R3HDM2: variants seen among roughly 807,000 people sequenced by gnomAD.
R3HDM2 encodes the protein R3H domain-containing protein 2.
A neutral mutation model predicts 124.5 loss-of-function variants in R3HDM2; 38 were observed. The ratio of observed to expected loss-of-function variants is 0.31; its 90% confidence interval spans 0.24 to 0.40. R3HDM2 has a LOEUF of 0.40. Ranked by LOEUF, R3HDM2 falls within the 10% of genes least tolerant of loss-of-function variation. The pLI is 1.00. For missense variants in R3HDM2, 869 were observed against 1,236.9 expected (o/e 0.70, Z 4.46); for synonymous variants, 391 against 448.0 (o/e 0.87, Z 1.61).
At position 57,268,303 on chromosome 12, in the gene R3HDM2, C is replaced by T; in HGVS notation, c.2030G>A (p.Ser677Asn). The T allele has an allele frequency of 6.2e-7, 1 of 1,613,474 alleles. No individual in the cohort carries two copies. ...GTCCTGGCTCTCTGGGAGTCCTCAC[C>T]TCGTACCGTTCTGCTGAGCAGGTGG... The part of the protein sequence containing the change: ...MIPPAQQNGT[S>N]PSVGFLQPPG... Residue 677 changes from serine (S) to asparagine (N), a missense_variant and splice_region_variant, in exon 18 of 24, where the codon AGC (serine) becomes AAC (asparagine). Ser to Asn is a conservative substitution (Grantham distance 46). Around this residue, in one of 2 missense-constraint regions of R3HDM2, gnomAD observed 602 missense variants for 789.2 expected, o/e 0.76. Transcript: ENST00000402412.
intron 2 of R3HDM2, among the ~76,000 whole-genome samples, chr12:57,381,544 C>CAAAAAAA (rs66778122): frequency 1.3e-5 from 1 of 76,602 alleles, no homozygotes; most frequent in Non-Finnish European, 2.8e-5. Context: ...GACTCCATCT[C>CAAAAAAA]AAAAAAAAAA....
intron 19 of R3HDM2, among the ~76,000 whole-genome samples, chr12:57,260,278 A>AAAAAAAAAAAAAAAAAAAAAAAAAAAC (rs2040409694): frequency 6.8e-6 from 1 of 147,100 alleles, no homozygotes; most frequent in Admixed American, 6.9e-5. Context: ...AAAAAAAAAA[A>AAAAAAAAAAAAAAAAAAAAAAAAAAAC]AAAAAAAGCC....
chr12:57,325,890 T>G (rs1039933644), intron 2 of R3HDM2, among the ~76,000 whole-genome samples: 2 of 152,028 alleles, frequency 1.3e-5, no homozygotes, highest in African/African-American at 4.8e-5. Context: ...GTGGCAACCC[T>G]GTGTCAGGCA....
chr12:57,378,009 G>C (rs2064322304), intron 2 of R3HDM2, among the ~76,000 whole-genome samples: 1 of 152,130 alleles, frequency 6.6e-6, no homozygotes, highest in Non-Finnish European at 1.5e-5. Flanking sequence ...TGAAGCAAGA[G>C]AATCTCTTGA....
chr12:57,280,374 T>C lies in R3HDM2; in HGVS notation c.1328A>G (p.Asn443Ser), dbSNP rs777902665. 1.2e-6 allele frequency: 2 copies of C among 1,613,606 alleles called. No individual in the cohort carries two copies. Among genetic ancestry groups the C allele is most frequent in the Non-Finnish European group, 1.7e-6 (2 of 1,179,706 alleles). The change falls in exon 14 of 24, where the codon AAT becomes AGT. Residue 443 changes from asparagine (N) to serine (S), a missense_variant. By Grantham distance (46) the Asn-to-Ser change is conservative. Around this residue, in one of 2 missense-constraint regions of R3HDM2, gnomAD observed 602 missense variants for 789.2 expected, o/e 0.76. Coordinates refer to ENST00000402412, the MANE Select transcript of R3HDM2 (RefSeq NM_001394031.1). ...PTPQQQPPLN[N>S]HMISQADDLS... Reference sequence around the variant, plus strand: ...GTGACTCACCTGTGAGATCATGTGATTATTCAAGGGTGGCTGTTGCTGAGG... The same window carrying C: ...GTGACTCACCTGTGAGATCATGTGACTATTCAAGGGTGGCTGTTGCTGAGG...
At chr12:57,316,640 C>T (rs1355482165) in intron 2 of R3HDM2, among the ~76,000 whole-genome samples, 2 of 141,908 alleles carry the variant, frequency 1.4e-5, no homozygotes, top group Admixed American at 7.6e-5. Context: ...GGTTAGAGTA[C>T]GGTGGTGAGA....
intron 2 of R3HDM2, among the ~76,000 whole-genome samples, chr12:57,360,440 C>G (rs905240776): frequency 2.0e-5 from 3 of 151,932 alleles, no homozygotes; most frequent in Admixed American, 6.6e-5. Context: ...GGTATGCCAG[C>G]CTGATCAACA....
At position 57,401,217 on chromosome 12, in the gene R3HDM2, T is replaced by C. The variant is rs116230447; in HGVS notation, c.-105-5399A>G. Among the ~76,000 whole-genome samples the C allele has an allele frequency of 6.7e-3, 1,007 of 149,936 alleles. 12 individuals are homozygous for C. Among genetic ancestry groups the C allele is most frequent in the African/African-American group, 0.023 (933 of 40,912 alleles). On this transcript the variant is annotated intron_variant, in intron 1 of 23. Transcript: ENST00000402412. The stretch of plus-strand genomic sequence containing the variant: ...AGAGTGTAGTTCATTTCCCCACCCC[T>C]TGAATATGAGCTGGCCTTGTGACTT...
intron 2 of R3HDM2, among the ~76,000 whole-genome samples, chr12:57,359,807 T>G (rs1233226735): frequency 2.0e-5 from 3 of 151,914 alleles, no homozygotes; most frequent in African/African-American, 7.2e-5. Context: ...TCTCCTTTAT[T>G]GGCTTACTAG....
intron 2 of R3HDM2, among the ~76,000 whole-genome samples, chr12:57,383,344 T>G (rs1009375935): frequency 2.6e-5 from 4 of 152,178 alleles, no homozygotes; most frequent in African/African-American, 9.7e-5. Context: ...GCTATTATTT[T>G]GTGTTATTAT....
At chr12:57,313,095 T>G (rs2054258672) in intron 2 of R3HDM2, among the ~76,000 whole-genome samples, 1 of 152,160 alleles carries the variant, frequency 6.6e-6, no homozygotes, top group African/African-American at 2.4e-5. Flanking sequence ...CCTATAGACC[T>G]TCATGGATCA....
intron 14 of R3HDM2, among the ~76,000 whole-genome samples, chr12:57,270,531 G>A (rs1419762049): frequency 1.3e-5 from 2 of 152,172 alleles, no homozygotes; most frequent in Admixed American, 1.3e-4. Context: ...CCAGGTTCAA[G>A]CAATTCTCCT....
intron 1 of R3HDM2, among the ~76,000 whole-genome samples, chr12:57,405,550 C>T (rs879333642): frequency 1.3e-5 from 2 of 152,044 alleles, no homozygotes; most frequent in Non-Finnish European, 2.9e-5. Flanking sequence ...GGGAAGATGG[C>T]TTAAGCCTGG....
At chr12:57,309,881 G>C (rs1198865487) in intron 3 of R3HDM2, among the ~76,000 whole-genome samples, 1 of 152,166 alleles carries the variant, frequency 6.6e-6, no homozygotes, top group Non-Finnish European at 1.5e-5. Context: ...GTTTCTAAAA[G>C]TGACTGATTC....
At chr12:57,342,323 C>T (rs1037865090) in intron 2 of R3HDM2, among the ~76,000 whole-genome samples, 1 of 151,994 alleles carries the variant, frequency 6.6e-6, no homozygotes, top group Non-Finnish European at 1.5e-5. Context: ...GCCCCCTTCA[C>T]CCTTGAATGA....
intron 1 of R3HDM2, among the ~76,000 whole-genome samples, chr12:57,421,277 G>A (rs891610194): frequency 7.3e-6 from 1 of 137,232 alleles, no homozygotes; most frequent in Admixed American, 8.1e-5. Context: ...TCAGCCTCCC[G>A]AGTAGCTGGG....
chr12:57,385,681 G>C (rs2065631414), intron 2 of R3HDM2, among the ~76,000 whole-genome samples: 1 of 151,712 alleles, frequency 6.6e-6, no homozygotes, highest in African/African-American at 2.4e-5. Context: ...CAACACAGCA[G>C]GACCCCGTCT....
intron 2 of R3HDM2, among the ~76,000 whole-genome samples, chr12:57,328,795 G>A (rs1390523504): frequency 1.3e-5 from 2 of 152,122 alleles, no homozygotes; most frequent in East Asian, 1.9e-4. Context: ...GATTACAGGC[G>A]TGAACCACCG....
intron 5 of R3HDM2, 94 bp from the exon 6 acceptor site, chr12:57,299,572 A>C: frequency 2.4e-6 from 3 of 1,275,556 alleles, no homozygotes; most frequent in Non-Finnish European, 3.2e-6. Flanking sequence ...TTGGGGTGGC[A>C]GCTCTCTCTT....
Sources: allele counts gnomAD v4.1 joint callset (sites outside exome capture counted in the v4.1 genomes callset), GRCh38; gene constraint gnomAD v4.1.1; regional missense constraint gnomAD v4.1.1; transcripts MANE v1.5; gene names NCBI Gene and HGNC (gene_info 2026-07-23, HGNC 2026-07-21).